The following FOXP1 variants were observed in gnomAD, a reference collection of about 807,000 sequenced individuals.
FOXP1 encodes forkhead box P1, also known as forkhead box protein P1.
FOXP1 carries 15 observed loss-of-function variants against 98.2 expected under a neutral mutation model. The ratio of observed to expected loss-of-function variants is 0.15; its 90% CI spans 0.10 to 0.24. FOXP1 has a LOEUF of 0.24. Ranked by LOEUF, FOXP1 falls within the 10% of genes least tolerant of loss-of-function variation. The pLI, the probability that FOXP1 is intolerant of heterozygous loss-of-function variation, is 1.00. For missense variants in FOXP1, 633 were observed against 848.5 expected (o/e 0.75, Z 3.15); for synonymous variants, 371 against 314.5 (o/e 1.18, Z -1.90).
chr3:71,559,944 G>A (rs1211775048), intron 2 of FOXP1, among the ~76,000 whole-genome samples: 1 of 152,162 alleles, frequency 6.6e-6, no homozygotes, highest in Admixed American at 6.5e-5. Flanking sequence ...TATTCTGCTG[G>A]AAATGCTTAC....
At chr3:71,361,222 AG>A (rs1382985149) in intron 3 of FOXP1, among the ~76,000 whole-genome samples, 1 of 152,242 alleles carries the variant, frequency 6.6e-6, no homozygotes, top group Non-Finnish European at 1.5e-5. Flanking sequence ...TGCCACTAAA[AG>A]AAAGATGACC....
chr3:71,008,160 G>A (rs944780259), intron 12 of FOXP1, among the ~76,000 whole-genome samples: 3 of 152,144 alleles, frequency 2.0e-5, no homozygotes, highest in Admixed American at 1.3e-4. Flanking sequence ...AGAGTACCTG[G>A]TGTTTGTGAA....
chr3:71,355,996 T>G (rs892336587), intron 4 of FOXP1, among the ~76,000 whole-genome samples: 1 of 151,896 alleles, frequency 6.6e-6, no homozygotes, highest in Non-Finnish European at 1.5e-5. Context: ...ACACAGTCCT[T>G]TGAGGGCCAT....
chr3:71,554,716 CG>C (rs2046006080), intron 2 of FOXP1, among the ~76,000 whole-genome samples: 1 of 152,176 alleles, frequency 6.6e-6, no homozygotes, highest in Non-Finnish European at 1.5e-5. Context: ...TAGAATCCAA[CG>C]TAAGTGAAAT....
chr3:71,564,508 A>G (rs1033390690), intron 2 of FOXP1, among the ~76,000 whole-genome samples: 11 of 152,232 alleles, frequency 7.2e-5, no homozygotes, highest in Non-Finnish European at 1.2e-4. Flanking sequence ...AGAAAGGTTA[A>G]TAAGCTTTGA....
intron 3 of FOXP1, among the ~76,000 whole-genome samples, chr3:71,394,572 T>A (rs914104481): frequency 6.6e-6 from 1 of 152,190 alleles, no homozygotes; most frequent in Non-Finnish European, 1.5e-5. Context: ...TTTTAATAGA[T>A]AAGATGATCA....
chr3:71,425,775 T>C (rs2084104074), intron 3 of FOXP1, among the ~76,000 whole-genome samples: 2 of 152,144 alleles, frequency 1.3e-5, no homozygotes, highest in African/African-American at 4.8e-5. Context: ...ATGAGATTTA[T>C]GAGTATCTAT....
At chr3:71,091,925 C>T (rs1300173826) in intron 7 of FOXP1, among the ~76,000 whole-genome samples, 1 of 152,166 alleles carries the variant, frequency 6.6e-6, no homozygotes. Flanking sequence ...CCATGACTCA[C>T]GCCTGTAATT....
intron 3 of FOXP1, among the ~76,000 whole-genome samples, chr3:71,462,310 T>C (rs2088217479): frequency 6.6e-6 from 1 of 152,112 alleles, no homozygotes; most frequent in South Asian, 2.1e-4. Flanking sequence ...CCTATTCGAG[T>C]CATGCAGTTG....
At chr3:71,123,381 G>A (rs985671151) in intron 6 of FOXP1, among the ~76,000 whole-genome samples, 1 of 152,160 alleles carries the variant, frequency 6.6e-6, no homozygotes, top group Non-Finnish European at 1.5e-5. Context: ...GGTTAACTGA[G>A]TTCACTCATC....
Position 71,262,264 on chromosome 3 carries a change from C to CAAAA in FOXP1, c.-12+37552_-12+37555dup, listed in dbSNP as rs71104433. ...CTGGCAACAGGACAAGACTCTGTCACAAAAAAAAAAAAAAAAAAAAAAAAA... is the reference window on the plus strand; with the variant it reads ...CTGGCAACAGGACAAGACTCTGTCACAAAAAAAAAAAAAAAAAAAAAAAAAAAAA... On this transcript the variant is annotated intron_variant, in intron 5 of 20. Transcript: ENST00000649528. Among the ~76,000 whole-genome samples, 31 of 25,714 alleles carry CAAAA rather than the reference C, an allele frequency of 1.2e-3. 8 individuals carry two copies. Among genetic ancestry groups the CAAAA allele is most frequent in the Middle Eastern group, 0.083 (2 of 24 alleles). 16.9% of individuals were successfully genotyped at this position (25,714 alleles called of 152,430 possible). A position where few individuals can be genotyped will look rare whatever the true frequency, so the allele number is the denominator to read the frequency against.
intron 5 of FOXP1, among the ~76,000 whole-genome samples, chr3:71,235,728 G>A (rs558352073): frequency 9.9e-5 from 15 of 152,150 alleles, no homozygotes; most frequent in South Asian, 8.3e-4. Flanking sequence ...CACCATGCCC[G>A]GCTAATTTTT....
intron 14 of FOXP1, among the ~76,000 whole-genome samples, chr3:70,980,276 G>T (rs2107369819): frequency 6.6e-6 from 1 of 152,274 alleles, no homozygotes; most frequent in Non-Finnish European, 1.5e-5. Context: ...ATCAGCCCAA[G>T]CAAAGGGTCA....
intron 2 of FOXP1, among the ~76,000 whole-genome samples, chr3:71,533,241 G>T (rs1254813688): frequency 6.6e-6 from 1 of 152,124 alleles, no homozygotes; most frequent in Non-Finnish European, 1.5e-5. Flanking sequence ...AAGTGCACAG[G>T]CCCACTTATG....
intron 7 of FOXP1, among the ~76,000 whole-genome samples, chr3:71,094,278 C>CTTTTTTTT (rs1180804992): frequency 5.5e-5 from 7 of 127,824 alleles, no homozygotes; most frequent in African/African-American, 9.2e-5. Flanking sequence ...TTTTTCTTTT[C>CTTTTTTTT]TTTTTTTTTT....
chr3:71,178,423 C>A (rs1474849484), intron 6 of FOXP1, among the ~76,000 whole-genome samples: 1 of 151,950 alleles, frequency 6.6e-6, no homozygotes, highest in East Asian at 2.0e-4. Flanking sequence ...CGTGAGCCAT[C>A]GCGCCCGGCC....
At chr3:71,365,930 C>CCGAGATCGCG (rs751715933) in intron 3 of FOXP1, among the ~76,000 whole-genome samples, 53 of 152,132 alleles carry the variant, frequency 3.5e-4, no homozygotes, top group Non-Finnish European at 6.8e-4. Context: ...TTGCAGTGAG[C>CCGAGATCGCG]CCACTGCACT....
chr3:71,295,565 A>T (rs552452152), intron 5 of FOXP1, among the ~76,000 whole-genome samples: 1 of 86,314 alleles, frequency 1.2e-5, no homozygotes, highest in East Asian at 2.8e-4. Flanking sequence ...ACCTGACTTT[A>T]AAAAAAAAAC....
chr3:71,354,171 A>AT lies in FOXP1; in HGVS notation c.-73+4978_-73+4979insA. On this transcript the variant is annotated intron_variant, in intron 4 of 20. Transcript: ENST00000649528. Reference sequence around the variant, plus strand: ...AATACAAAAAAAAAAAAAAAATACTAGGGAGGCTGAGGCAGGAGAATCGCT... The same window carrying AT: ...AATACAAAAAAAAAAAAAAAATACTATGGGAGGCTGAGGCAGGAGAATCGCT... 1.3e-5 allele frequency among the ~76,000 whole-genome samples: 2 copies of AT among 149,774 alleles called. 1 individual carries two copies. The highest frequency in any genetic ancestry group is 3.9e-4 in the East Asian group (2 of 5,104).
Sources: gnomAD v4.1 joint callset for allele counts (sites outside exome capture counted in the v4.1 genomes callset) on GRCh38, gnomAD v4.1.1 for gene constraint, MANE v1.5 for transcripts, NCBI Gene and HGNC (gene_info 2026-07-23, HGNC 2026-07-21) for gene names.